Variants in LCTL observed in about 807,000 individuals in gnomAD.
LCTL encodes the protein lactase-like protein.
Under a neutral mutation model 75.8 loss-of-function variants are expected in LCTL, and 76 were observed. The observed-to-expected ratio is 1.00, with a 90% CI of 0.83 to 1.21. LCTL has a LOEUF of 1.21. Among genes scored for constraint, LCTL ranks in the 50% most tolerant of loss-of-function variants. The pLI is 0.00. For missense variants in LCTL, 670 were observed against 712.4 expected (o/e 0.94, Z 0.68); for synonymous variants, 271 against 268.8 (o/e 1.01, Z -0.08).
chr15:66,563,555 G>A (rs1462602195), exon 4 of LCTL: 2 of 1,612,554 alleles, frequency 1.2e-6, no homozygotes, highest in Non-Finnish European at 1.7e-6. Context: ...CGATGGGAGT[G>A]ATGTTGCTGC....
At chr15:66,549,786 A>T (rs1411944649) in intron 12 of LCTL, 2 of 304,230 alleles carry the variant, frequency 6.6e-6, no homozygotes, top group Non-Finnish European at 1.2e-5. Context: ...AGGTATATAA[A>T]TTTATAGGTA....
At chr15:66,550,146 A>AT (rs1412721510) in intron 11 of LCTL, 42 bp from the exon 13 acceptor site, 1 of 1,276,586 alleles carries the variant, frequency 7.8e-7, no homozygotes, top group Admixed American at 2.2e-5. Flanking sequence ...TCTTAGACTA[A>AT]TTTTTTGCTG....
chr15:66,560,063 G>A (rs1391039991), intron 6 of LCTL, among the ~76,000 whole-genome samples: 3 of 152,126 alleles, frequency 2.0e-5, no homozygotes, highest in Non-Finnish European at 4.4e-5. Context: ...CTGCATCCTG[G>A]GTGACAGAGC....
intron 11 of LCTL, among the ~76,000 whole-genome samples, chr15:66,550,576 G>T (rs541599330): frequency 6.6e-6 from 1 of 152,006 alleles, no homozygotes; most frequent in South Asian, 2.1e-4. Context: ...AAATTCTTGG[G>T]CTCAAGTGAT....
intron 6 of LCTL, among the ~76,000 whole-genome samples, 185 bp downstream of exon 7, chr15:66,560,821 G>A (rs1014174632): frequency 3.3e-5 from 5 of 152,178 alleles, no homozygotes; most frequent in African/African-American, 9.7e-5. Context: ...TAACAGCTCA[G>A]CCATAGTGTC....
chr15:66,565,801 C>T (rs143023059), upstream of LCTL: 900 of 164,398 alleles, frequency 5.5e-3, 7 homozygotes, highest in African/African-American at 0.019. Flanking sequence ...GTCCTGCACA[C>T]GAGGGAGACC....
intron 12 of LCTL, chr15:66,548,881 C>T (rs935538583): frequency 5.2e-6 from 1 of 193,702 alleles, no homozygotes. Context: ...AATACTTATA[C>T]TTTCTAAATT....
rs372586613 is a variant in LCTL at position 66,564,796 on chromosome 15, G to A, written c.162C>T (p.Gly54=). The A allele has an allele frequency of 5.1e-5, 82 of 1,613,222 alleles. 1 individual carries two copies. Among genetic ancestry groups the A allele is most frequent in the Middle Eastern group, 1.6e-4 (1 of 6,084 alleles). Reference sequence around the variant, plus strand: ...GCCCTTTCCCGTCCTGGTCCCAGGCGCCCTCCGTCTGGTAGGCAGAACTGC... The same window carrying A: ...GCCCTTTCCCGTCCTGGTCCCAGGCACCCTCCGTCTGGTAGGCAGAACTGC... The change falls in exon 2 of 13, where the codon GGC becomes GGT. Residue 54 remains glycine (G), a synonymous_variant. Transcript: ENST00000341509.
At chr15:66,552,915 C>A in intron 9 of LCTL, 69 bp downstream of exon 10, 1 of 1,329,240 alleles carries the variant, frequency 7.5e-7, no homozygotes, top group Non-Finnish European at 9.9e-7. Context: ...ATGTAGGCAC[C>A]TGAGCTTAAG....
At chr15:66,563,710 G>A (rs1042280764) in intron 3 of LCTL, 85 bp from the exon 5 acceptor site, 25 of 1,078,928 alleles carry the variant, frequency 2.3e-5, no homozygotes, top group Non-Finnish European at 3.3e-5. Flanking sequence ...CCTGGGCCCT[G>A]TTGCTTTTTG....
chr15:66,548,661 T>C, intron 12 of LCTL, 56 bp from the exon 14 acceptor site: 1 of 896,464 alleles, frequency 1.1e-6, no homozygotes, highest in Non-Finnish European at 1.9e-6. Flanking sequence ...TTTTAGTAAA[T>C]ACAGCTTTAT....
Position 66,557,981 on chromosome 15 carries a change from CCTTGCTG to C in LCTL, c.754_760del (p.Gln252ValfsTer7). On this transcript the variant is annotated frameshift_variant and splice_region_variant, in exon 7 of 13. Transcript: ENST00000341509. LOFTEE classifies it high-confidence loss of function. Reference sequence around the variant, plus strand: ...GGTACATGTGTGGGGCCACAGCTCACCTTGCTGCTTGCTGCGCCACGTGGTGTTATAA... The same window carrying C: ...GGTACATGTGTGGGGCCACAGCTCACCTTGCTGCGCCACGTGGTGTTATAA... The C allele has an allele frequency of 6.2e-7, 1 of 1,607,608 alleles. No individual in the cohort carries two copies. The highest frequency in any genetic ancestry group is 1.1e-5 in the South Asian group (1 of 90,686).
At chr15:66,565,133 T>C (rs753630560) in intron 1 of LCTL, 115 bp downstream of exon 2, 2 of 776,484 alleles carry the variant, frequency 2.6e-6, no homozygotes, top group Non-Finnish European at 4.5e-6. Flanking sequence ...CACACAAAGG[T>C]AGGTTTCTCA....
In LCTL at chr15:66,551,345, C is replaced by CAAA. The variant is rs67322943; in HGVS notation, c.1524+314_1524+316dup. Reference sequence around the variant, plus strand: ...CTGGCGACAGAGTGAGATTCTGTCTCAAAAAAAAAAAAAAAAAAAAAAAAA... The same window carrying CAAA: ...CTGGCGACAGAGTGAGATTCTGTCTCAAAAAAAAAAAAAAAAAAAAAAAAAAAA... On this transcript the variant is annotated intron_variant, in intron 11 of 12. Coordinates refer to ENST00000341509, the Ensembl canonical transcript of LCTL. Among the ~76,000 whole-genome samples the CAAA allele has an allele frequency of 5.1e-3, 257 of 50,348 alleles. 6 individuals carry two copies. The highest frequency in any genetic ancestry group is 7.1e-3 in the Non-Finnish European group (200 of 28,126). The allele number at this position is 50,348 out of a possible 152,430, so 33.0% of individuals were successfully genotyped here.
chr15:66,552,094 C>T, exon 10 of LCTL: 2 of 1,612,000 alleles, frequency 1.2e-6, no homozygotes, highest in Non-Finnish European at 1.7e-6. Flanking sequence ...CTCCACTCAT[C>T]ACATAATTGA....
Position 66,561,264 on chromosome 15 carries a change from A to G in LCTL, c.532T>C (p.Phe178Leu), listed in dbSNP as rs750892859. The change falls in exon 5 of 13, where the codon TTC becomes CTC. Residue 178 changes from phenylalanine to leucine, a missense_variant. By Grantham distance (22) the Phe-to-Leu change is conservative. Transcript: ENST00000341509. Reference sequence around the variant, plus strand: ...AAGCACAGGTTGGCGTAGTCTCTGAAGTAGTTGGCCATGCTCACATTCTGC... The same window carrying G: ...AAGCACAGGTTGGCGTAGTCTCTGAGGTAGTTGGCCATGCTCACATTCTGC... 3.1e-6 allele frequency: 5 copies of G among 1,614,216 alleles called. No homozygotes were observed. The Admixed American group carries it at 8.3e-5, about 27-fold the overall frequency.
In LCTL at chr15:66,551,882, A is replaced by G. The variant is rs1895613487; in HGVS notation, c.1325-21T>C. Reference sequence around the variant, plus strand: ...TATAGCTGCAAAGACATTTTATTCCATTTTAAATATATTTCATTTACTTAG... The same window carrying G: ...TATAGCTGCAAAGACATTTTATTCCGTTTTAAATATATTTCATTTACTTAG... On this transcript the variant is annotated intron_variant, in intron 10 of 12. Transcript: ENST00000341509. 1.9e-6 allele frequency: 3 copies of G among 1,567,026 alleles called. No individual in the cohort carries two copies. In the East Asian group the frequency reaches 6.7e-5, roughly 35 times the overall value.
rs145721077 is a variant in LCTL, at chr15:66,556,304, A to T, written c.922+1418T>A. Among the ~76,000 whole-genome samples, 80 of 152,064 alleles carry T rather than the reference A, an allele frequency of 5.3e-4. 1 individual carries two copies. Among genetic ancestry groups the T allele is most frequent in the Middle Eastern group, 6.8e-3 (2 of 294 alleles). ...ATAATATGATATATACAGACAATGG[A>T]AATTTTTTTTTCTTTTTCGAGATGG... On this transcript the variant is annotated intron_variant, in intron 8 of 12. Coordinates refer to ENST00000341509, the Ensembl canonical transcript of LCTL.
intron 8 of LCTL, among the ~76,000 whole-genome samples, chr15:66,556,322 C>G (rs79150324): frequency 0.061 from 9,187 of 151,436 alleles, 323 homozygotes; most frequent in African/African-American, 0.1. Flanking sequence ...TTTTCTTTTT[C>G]GAGATGGAGT....
Sources: allele counts gnomAD v4.1 joint callset (sites outside exome capture counted in the v4.1 genomes callset), GRCh38; gene constraint gnomAD v4.1.1; transcripts MANE v1.5; gene names NCBI Gene and HGNC (gene_info 2026-07-23, HGNC 2026-07-21).